The following CPM variants were observed in gnomAD, a reference collection of about 807,000 sequenced individuals.
CPM encodes the protein carboxypeptidase M, also known as renal carboxypeptidase.
CPM carries 35 observed loss-of-function variants against 46.4 expected under a neutral mutation model. The observed-to-expected ratio is 0.75, with a 90% CI of 0.58 to 1.00. The LOEUF (loss-of-function observed/expected upper bound fraction) is 1.00, where lower values mean the gene tolerates loss of function less well. Ranked by LOEUF, CPM falls within the 50% of genes least tolerant of loss-of-function variation. The probability of loss-of-function intolerance (pLI) is 0.00; values close to 1 mark genes in which losing one functional copy is unlikely to be tolerated. For missense variants in CPM, 422 were observed against 530.4 expected, an observed-to-expected ratio of 0.80 and a Z score of 2.01; for synonymous variants, 195 against 195.3, an observed-to-expected ratio of 1.00 and a Z score of 0.01.
chr12:68,947,029 T>A (rs1488056975), intron 1 of CPM, among the ~76,000 whole-genome samples: 1 of 152,246 alleles, frequency 6.6e-6, no homozygotes, highest in Non-Finnish European at 1.5e-5. Flanking sequence ...TCAATATTCA[T>A]GAACACATAA....
At position 68,867,064 on chromosome 12, in the gene CPM, T is replaced by C; in HGVS notation, c.788-16A>G. 1 of 1,613,214 alleles carries C rather than the reference T, an allele frequency of 6.2e-7. No individual in the cohort carries two copies. Among genetic ancestry groups the C allele is most frequent in the Non-Finnish European group, 8.5e-7 (1 of 1,179,784 alleles). On this transcript the variant is annotated splice_polypyrimidine_tract_variant and intron_variant, in intron 6 of 8. Coordinates refer to ENST00000551568, the MANE Select transcript of CPM (RefSeq NM_198320.5). ...TGCATTCCACCTAAACACAAGCATA[T>C]TTAATTTTTGTTAGGGTCTAAAATT...
At chr12:68,888,254 A>T (rs1351590912) in intron 2 of CPM, among the ~76,000 whole-genome samples, 1 of 152,240 alleles carries the variant, frequency 6.6e-6, no homozygotes, top group Non-Finnish European at 1.5e-5. Context: ...AAGATGACAT[A>T]AACCTGACTT....
chr12:68,878,878 C>A (rs1886070882), intron 3 of CPM, among the ~76,000 whole-genome samples: 1 of 152,204 alleles, frequency 6.6e-6, no homozygotes, highest in African/African-American at 2.4e-5. Flanking sequence ...TACCCCCCAT[C>A]TCCCCAAAAA....
At chr12:68,961,041 C>G (rs900819918) in intron 1 of CPM, among the ~76,000 whole-genome samples, 3 of 152,196 alleles carry the variant, frequency 2.0e-5, no homozygotes, top group Non-Finnish European at 4.4e-5. Flanking sequence ...TGTCCACTTA[C>G]TGGTTGTTAC....
rs1887962103 is a variant in CPM, at chr12:68,919,853, T to A, written c.160+12825A>T. Among the ~76,000 whole-genome samples the A allele has an allele frequency of 4.6e-5, 7 of 152,346 alleles. No individual in the cohort carries two copies. In the South Asian group the frequency reaches 1.4e-3, roughly 32 times the overall value. Reference sequence around the variant, plus strand: ...CCAATTGAACAATCTTTATCTGAAATTTAACTGTGCACATTTAGTATTATT... The same window carrying A: ...CCAATTGAACAATCTTTATCTGAAAATTAACTGTGCACATTTAGTATTATT... On this transcript the variant is annotated intron_variant, in intron 2 of 8. Transcript: ENST00000551568.
rs139903128 is a variant in CPM at position 68,904,035 on chromosome 12, C to T, written c.161-18146G>A. ...CCATGTAGCTGGGACCACAGGCATGCGCCACTATACCTGGCTAATGTTTTG... is the reference window on the plus strand; with the variant it reads ...CCATGTAGCTGGGACCACAGGCATGTGCCACTATACCTGGCTAATGTTTTG... On this transcript the variant is annotated intron_variant, in intron 2 of 8. Transcript: ENST00000551568. Among the ~76,000 whole-genome samples, 1,229 of 152,134 alleles carry T rather than the reference C, an allele frequency of 8.1e-3. 10 individuals carry two copies. The highest frequency in any genetic ancestry group is 0.013 in the Non-Finnish European group (882 of 67,994).
rs1261170044 is a variant in CPM, at chr12:68,950,836, G to T, written c.-4+12333C>A. Among the ~76,000 whole-genome samples the T allele has an allele frequency of 2.0e-5, 3 of 152,342 alleles. No homozygotes were observed. In the East Asian group the frequency reaches 5.8e-4, roughly 29 times the overall value. On this transcript the variant is annotated intron_variant, in intron 1 of 8. Transcript: ENST00000546373. ...TACCATCATGGGTTCCAGTCTGTCT[G>T]GAGGCCCAGCTCTTCCCCACAGGCT...
In CPM at chr12:68,945,306, G is replaced by GC. The variant is rs558466200; in HGVS notation, c.-3-12467dup. 6.6e-5 allele frequency among the ~76,000 whole-genome samples: 10 copies of GC among 152,264 alleles called. No individual in the cohort carries two copies. The South Asian group carries it at 1.7e-3, about 25-fold the overall frequency. On this transcript the variant is annotated intron_variant, in intron 1 of 8. Transcript: ENST00000546373. ...ATCCCTCCCATGGTTAGCTCTTTGT[G>GC]CCCCCAGGAATTAGCAAAGACAGCC... is the stretch of plus-strand genomic sequence containing the variant.
intron 3 of CPM, among the ~76,000 whole-genome samples, chr12:68,879,024 C>T (rs1886076921): frequency 1.3e-5 from 2 of 152,016 alleles, no homozygotes; most frequent in African/African-American, 4.8e-5. Context: ...CCCATCTCTA[C>T]AAAAAATAAA....
chr12:68,902,218 C>T (rs1013305734), intron 2 of CPM, among the ~76,000 whole-genome samples: 1 of 152,064 alleles, frequency 6.6e-6, no homozygotes, highest in Non-Finnish European at 1.5e-5. Context: ...ATAATTTAAA[C>T]CATGAGTGGT....
intron 3 of CPM, among the ~76,000 whole-genome samples, chr12:68,876,918 GTGA>G (rs1336534288): frequency 1.6e-4 from 8 of 49,582 alleles, no homozygotes; most frequent in African/African-American, 3.7e-4. Flanking sequence ...GTGTGTGTGT[GTGA>G]GAGAGAGAGA....
intron 3 of CPM, among the ~76,000 whole-genome samples, chr12:68,872,252 C>CTTTTTTTTTT (rs10659287): frequency 8.5e-6 from 1 of 117,252 alleles, no homozygotes; most frequent in Non-Finnish European, 1.6e-5. Context: ...CTGCTGCTTC[C>CTTTTTTTTTT]TTTTTTTTTT....
intron 1 of CPM, among the ~76,000 whole-genome samples, chr12:68,955,647 G>A (rs1889003309): frequency 6.6e-6 from 1 of 152,160 alleles, no homozygotes; most frequent in Admixed American, 6.5e-5. Flanking sequence ...GAGCTTCACT[G>A]AGCAGCAGAA....
intron 2 of CPM, among the ~76,000 whole-genome samples, chr12:68,921,892 TTATG>T (rs967213401): frequency 2.6e-5 from 4 of 152,202 alleles, no homozygotes; most frequent in African/African-American, 9.6e-5. Flanking sequence ...TCCTATATAC[TTATG>T]TATTATTTAA....
rs1295519161 is a variant in CPM, at chr12:68,855,704, G to A, written c.*733C>T. On this transcript the variant is annotated 3_prime_UTR_variant, in exon 9 of 9. Coordinates refer to ENST00000551568, the MANE Select transcript of CPM (RefSeq NM_198320.5). ...GGCACTTAATATCTATTCACATGTA[G>A]CACTCATGGTGAGGTGTTTTTTTTG... The A allele has an allele frequency of 1.3e-5, 2 of 151,408 alleles. No individual in the cohort carries two copies. Among genetic ancestry groups the A allele is most frequent in the East Asian group, 3.9e-4 (2 of 5,186 alleles). 9.4% of individuals were successfully genotyped at this position (151,408 alleles called of 1,614,324 possible).
chr12:68,960,880 G>C (rs909400175), intron 1 of CPM, among the ~76,000 whole-genome samples: 3 of 152,110 alleles, frequency 2.0e-5, no homozygotes, highest in African/African-American at 7.2e-5. Flanking sequence ...CTGCAGAACA[G>C]GTGAAAAGAG....
rs1196278 is a variant in CPM at position 68,854,926 on chromosome 12, G to A, written c.*1511C>T. 0.039 allele frequency: 5,957 copies of A among 152,554 alleles called. 220 individuals carry two copies. The highest frequency in any genetic ancestry group is 0.099 in the African/African-American group (4,086 of 41,478). 9.5% of individuals were successfully genotyped at this position (152,554 alleles called of 1,614,324 possible). A position where few individuals can be genotyped will look rare whatever the true frequency, so the allele number is the denominator to read the frequency against. ...GGCTGGAGTACAATGGCGCAATCCC[G>A]GCTCACTGCAACCTCTGCCTCCCAG... On this transcript the variant is annotated 3_prime_UTR_variant, in exon 9 of 9. Coordinates refer to ENST00000551568, the MANE Select transcript of CPM (RefSeq NM_198320.5).
At chr12:68,944,171 C>T (rs1298819944) in intron 1 of CPM, among the ~76,000 whole-genome samples, 1 of 152,150 alleles carries the variant, frequency 6.6e-6, no homozygotes, top group Non-Finnish European at 1.5e-5. Flanking sequence ...CCTCATGACT[C>T]ATGATTAATT....
intron 2 of CPM, among the ~76,000 whole-genome samples, chr12:68,926,857 T>C (rs1270741960): frequency 6.6e-6 from 1 of 152,220 alleles, no homozygotes; most frequent in Non-Finnish European, 1.5e-5. Flanking sequence ...AATGATGATT[T>C]CCAATTTCAT....
Sources: gnomAD v4.1 joint callset for allele counts (sites outside exome capture counted in the v4.1 genomes callset) on GRCh38, gnomAD v4.1.1 for gene constraint, MANE v1.5 for transcripts, NCBI Gene and HGNC (gene_info 2026-07-23, HGNC 2026-07-21) for gene names.